The following KIF26B variants were observed in gnomAD, a reference collection of about 807,000 sequenced individuals.
KIF26B encodes kinesin family member 26B.
In KIF26B, 63 loss-of-function variants were observed where a neutral mutation model predicts 151.2. That is an observed-to-expected ratio of 0.42 (90% confidence interval 0.34 to 0.51). The LOEUF (loss-of-function observed/expected upper bound fraction) is 0.51, where lower values mean the gene tolerates loss of function less well. Among genes scored for constraint, KIF26B ranks in the 20% least tolerant of loss-of-function variants. The probability of loss-of-function intolerance (pLI) is 0.07; values close to 1 mark genes in which losing one functional copy is unlikely to be tolerated. For missense variants in KIF26B, 2,813 were observed against 2,913.6 expected (o/e 0.97, Z 0.79); for synonymous variants, 1,357 against 1,262.1 (o/e 1.08, Z -1.59).
intron 10 of KIF26B, among the ~76,000 whole-genome samples, chr1:245,653,259 G>A (rs901663118): frequency 7.9e-5 from 12 of 152,192 alleles, no homozygotes; most frequent in African/African-American, 2.2e-4. Context: ...GGGCAGAACC[G>A]AGAGCGGGAA....
At chr1:245,347,832 C>T (rs1052193223) in intron 2 of KIF26B, among the ~76,000 whole-genome samples, 3 of 152,194 alleles carry the variant, frequency 2.0e-5, no homozygotes, top group Non-Finnish European at 2.9e-5. Context: ...CATTATAACA[C>T]GTTCATTCAT....
chr1:245,354,797 C>G (rs1245040504), intron 2 of KIF26B, among the ~76,000 whole-genome samples: 2 of 152,230 alleles, frequency 1.3e-5, no homozygotes, highest in Non-Finnish European at 2.9e-5. Flanking sequence ...CCCACCTTGC[C>G]CTCCTGCATC....
intron 2 of KIF26B, among the ~76,000 whole-genome samples, chr1:245,292,210 T>G (rs1415784324): frequency 1.3e-5 from 2 of 152,174 alleles, no homozygotes; most frequent in Non-Finnish European, 2.9e-5. Flanking sequence ...AACCTTGTCA[T>G]GGTATTTGTT....
At chr1:245,528,125 A>T (rs1313588020) in intron 4 of KIF26B, among the ~76,000 whole-genome samples, 1 of 152,074 alleles carries the variant, frequency 6.6e-6, no homozygotes, top group East Asian at 1.9e-4. Flanking sequence ...AAAAAGAAAG[A>T]TCCACCCACA....
chr1:245,246,866 A>AACACACACACACAC (rs10623091), intron 2 of KIF26B, among the ~76,000 whole-genome samples: 32 of 143,944 alleles, frequency 2.2e-4, no homozygotes, highest in African/African-American at 7.5e-4. Context: ...GTAAGGGCAG[A>AACACACACACACAC]ACACACACAC....
intron 4 of KIF26B, among the ~76,000 whole-genome samples, chr1:245,520,489 C>A (rs1301720307): frequency 6.6e-6 from 1 of 152,008 alleles, no homozygotes; most frequent in African/African-American, 2.4e-5. Flanking sequence ...AGTCAGCAAA[C>A]CTTAAAGACA....
chr1:245,515,043 C>T (rs535465458), intron 4 of KIF26B, among the ~76,000 whole-genome samples: 3 of 152,276 alleles, frequency 2.0e-5, no homozygotes, highest in Admixed American at 2.0e-4. Flanking sequence ...GAATGGAAAG[C>T]GTGCTCGAGT....
chr1:245,191,059 CAAAAAAA>C (rs55993346), intron 2 of KIF26B, among the ~76,000 whole-genome samples: 6 of 52,074 alleles, frequency 1.2e-4, no homozygotes, highest in East Asian at 7.0e-4. Flanking sequence ...GACTCTGTCT[CAAAAAAA>C]AAAAAAAAAA....
chr1:245,274,247 T>C (rs1195350078), intron 2 of KIF26B, among the ~76,000 whole-genome samples: 3 of 152,202 alleles, frequency 2.0e-5, no homozygotes, highest in Non-Finnish European at 4.4e-5. Flanking sequence ...AATTATACTT[T>C]AAGTTCTGGG....
intron 3 of KIF26B, among the ~76,000 whole-genome samples, chr1:245,376,722 C>T (rs1252820788): frequency 6.6e-6 from 1 of 152,220 alleles, no homozygotes; most frequent in African/African-American, 2.4e-5. Flanking sequence ...GAGTCTTGCT[C>T]TATCACCCAG....
At chr1:245,438,300 G>A (rs1658982384) in intron 4 of KIF26B, among the ~76,000 whole-genome samples, 1 of 152,192 alleles carries the variant, frequency 6.6e-6, no homozygotes, top group African/African-American at 2.4e-5. Context: ...GGTTAAGACT[G>A]AGCAGTCCTG....
At chr1:245,290,081 T>A (rs1157786425) in intron 2 of KIF26B, among the ~76,000 whole-genome samples, 1 of 152,170 alleles carries the variant, frequency 6.6e-6, no homozygotes, top group Non-Finnish European at 1.5e-5. Context: ...TATATCCTCT[T>A]TTACTTGGGG....
chr1:245,324,554 T>C (rs1425781583), intron 2 of KIF26B, among the ~76,000 whole-genome samples: 1 of 152,170 alleles, frequency 6.6e-6, no homozygotes, highest in Non-Finnish European at 1.5e-5. Flanking sequence ...AGCTGAGTGC[T>C]TGTGGTTGGG....
chr1:245,303,311 GC>G (rs957023448), intron 2 of KIF26B, among the ~76,000 whole-genome samples: 6 of 146,252 alleles, frequency 4.1e-5, no homozygotes, highest in Non-Finnish European at 8.9e-5. Flanking sequence ...CCATTCTCCT[GC>G]CTCAGCCTCC....
chr1:245,184,050 G>GTTTTGTTTTTTTTTTTTTTTT (rs1553332273), intron 2 of KIF26B, among the ~76,000 whole-genome samples: 10 of 19,806 alleles, frequency 5.0e-4, no homozygotes, highest in Non-Finnish European at 6.0e-4. Context: ...GGGAGTTGTT[G>GTTTTGTTTTTTTTTTTTTTTT]TTTTTTTTTT....
chr1:245,602,167 A>G lies in KIF26B; in HGVS notation c.1351-410A>G, dbSNP rs1049403636. 1.3e-5 allele frequency among the ~76,000 whole-genome samples: 2 copies of G among 152,184 alleles called. No homozygotes were observed. The highest frequency in any genetic ancestry group is 2.9e-5 in the Non-Finnish European group (2 of 68,042). ...CCTGATGAGCTGAGCCAAGGAGTAA[A>G]TTACGGAGCTAACTTTTATGTGCAT... On this transcript the variant is annotated intron_variant, in intron 5 of 14. Coordinates refer to ENST00000407071, the MANE Select transcript of KIF26B (RefSeq NM_018012.4). This position sits in a 1 kb window ranked among gnomAD's most constrained non-coding sequence, Gnocchi z 4.5.
At chr1:245,287,067 C>A (rs1177857872) in intron 2 of KIF26B, among the ~76,000 whole-genome samples, 1 of 152,014 alleles carries the variant, frequency 6.6e-6, no homozygotes, top group Non-Finnish European at 1.5e-5. Context: ...CGAGATCTTG[C>A]CACTGCACTC....
At chr1:245,253,368 A>G (rs1009727103) in intron 2 of KIF26B, among the ~76,000 whole-genome samples, 2 of 152,014 alleles carry the variant, frequency 1.3e-5, no homozygotes, top group Non-Finnish European at 2.9e-5. Flanking sequence ...AATGATTTTT[A>G]TATTATTTGC....
chr1:245,345,838 A>G (rs1345821332), intron 2 of KIF26B, among the ~76,000 whole-genome samples: 1 of 151,790 alleles, frequency 6.6e-6, no homozygotes, highest in Non-Finnish European at 1.5e-5. Flanking sequence ...AGCAGATGCC[A>G]CCATGCTTCC....
Sources: allele counts gnomAD v4.1 joint callset (sites outside exome capture counted in the v4.1 genomes callset), GRCh38; gene constraint gnomAD v4.1.1; non-coding constraint Gnocchi (gnomAD v3.1); transcripts MANE v1.5; gene names NCBI Gene and HGNC (gene_info 2026-07-23, HGNC 2026-07-21).